DOP1B: variants seen among roughly 807,000 people sequenced by gnomAD.
DOP1B encodes protein DOP1B.
A neutral mutation model predicts 233.5 loss-of-function variants in DOP1B; 174 were observed. That is an observed-to-expected ratio of 0.75 (90% confidence interval 0.66 to 0.85). The LOEUF is 0.85. DOP1B is among the 40% of genes least tolerant of loss of function. The pLI is 0.00. For synonymous variants in DOP1B, 1,190 were observed against 1,185.6 expected (o/e 1.00, Z -0.08); for missense variants, 2,652 against 2,846.6 (o/e 0.93, Z 1.56).
intron 2 of DOP1B, among the ~76,000 whole-genome samples, chr21:36,189,947 T>C (rs569058594): frequency 6.8e-6 from 1 of 146,286 alleles, no homozygotes; most frequent in South Asian, 2.2e-4. Flanking sequence ...GAAGTGGAGG[T>C]TGCAGTGAGC....
chr21:36,193,048 T>C (rs1601399765), intron 2 of DOP1B, among the ~76,000 whole-genome samples: 1 of 152,194 alleles, frequency 6.6e-6, no homozygotes, highest in Non-Finnish European at 1.5e-5. Flanking sequence ...GAAGCTTTCC[T>C]AAGTCCTGTA....
At chr21:36,264,566 G>C (rs1381211955) in intron 26 of DOP1B, among the ~76,000 whole-genome samples, 1 of 151,588 alleles carries the variant, frequency 6.6e-6, no homozygotes, top group African/African-American at 2.4e-5. Flanking sequence ...CTCCACCTCT[G>C]GGGTTCAAGC....
chr21:36,214,091 A>G lies in DOP1B; in HGVS notation c.915A>G (p.Ile305Met). ...CTTGTTCTTTTGTAGGCTCAGACAT[A>G]AAAGGAAATACCGTTGTGCCAGAAT... ...RLYAWLLGSDIKGNTVVPESE... is the reference protein window; with the variant it reads ...RLYAWLLGSDMKGNTVVPESE... The change falls in exon 8 of 37, where the codon ATA becomes ATG. Residue 305 changes from isoleucine to methionine, a missense_variant. Ile to Met is a conservative substitution (Grantham distance 10). Around this residue, in one of 3 missense-constraint regions of DOP1B, gnomAD observed 2,617 missense variants for 2,794.3 expected, o/e 0.94. Coordinates refer to ENST00000691173, the MANE Select transcript of DOP1B (RefSeq NM_001320714.2). The G allele has an allele frequency of 1.2e-6, 2 of 1,613,230 alleles. No individual in the cohort carries two copies. Among genetic ancestry groups the G allele is most frequent in the East Asian group, 2.2e-5 (1 of 44,870 alleles).
chr21:36,258,307 T>G (rs2067131013), intron 23 of DOP1B, among the ~76,000 whole-genome samples: 1 of 152,002 alleles, frequency 6.6e-6, no homozygotes, highest in Non-Finnish European at 1.5e-5. Context: ...CTTGGGAGGC[T>G]GAGGTGGGAG....
At chr21:36,181,454 T>G (rs1461928541) in intron 2 of DOP1B, among the ~76,000 whole-genome samples, 2 of 151,596 alleles carry the variant, frequency 1.3e-5, no homozygotes, top group Admixed American at 1.3e-4. Context: ...AATTTTTGTA[T>G]TTTTAGTAGA....
rs377432925 is a variant in DOP1B at position 36,209,357 on chromosome 21, C to A, written c.681+453C>A. Among the ~76,000 whole-genome samples, 14 of 152,262 alleles carry A rather than the reference C, an allele frequency of 9.2e-5. No homozygotes were observed. In the East Asian group the frequency reaches 1.5e-3, roughly 17 times the overall value. On this transcript the variant is annotated intron_variant, in intron 5 of 36. Coordinates refer to ENST00000691173, the MANE Select transcript of DOP1B (RefSeq NM_001320714.2). ...GGATGGTCTCGAACTGCCTGCCTGG[C>A]GGGTGATCCACCCACCGCGGCCTCC...
At chr21:36,179,924 A>G (rs1377649042) in intron 2 of DOP1B, among the ~76,000 whole-genome samples, 1 of 152,172 alleles carries the variant, frequency 6.6e-6, no homozygotes, top group African/African-American at 2.4e-5. Flanking sequence ...CAGTGGACGT[A>G]CAGTGAAGCC....
chr21:36,260,760 C>A, intron 24 of DOP1B, 28 bp downstream of exon 24: 1 of 1,613,334 alleles, frequency 6.2e-7, no homozygotes, highest in Middle Eastern at 1.7e-4. Flanking sequence ...CCTCCAAAAA[C>A]TTCCTTAAAT....
chr21:36,286,674 A>AG (rs34697368), intron 32 of DOP1B, among the ~76,000 whole-genome samples: 1 of 145,614 alleles, frequency 6.9e-6, no homozygotes, highest in African/African-American at 2.6e-5. Context: ...ACACACACAC[A>AG]AAACTGACTG....
intron 2 of DOP1B, among the ~76,000 whole-genome samples, chr21:36,181,825 C>CA (rs1336439704): frequency 7.7e-6 from 1 of 129,072 alleles, no homozygotes; most frequent in Non-Finnish European, 1.6e-5. Flanking sequence ...TGCCTGCACT[C>CA]ACCTTCCATT....
chr21:36,241,693 C>CTTT (rs58454212), intron 18 of DOP1B, among the ~76,000 whole-genome samples: 22 of 105,522 alleles, frequency 2.1e-4, no homozygotes, highest in Admixed American at 3.2e-4. Flanking sequence ...TTCTTTCTTT[C>CTTT]TTTTTTTTTT....
chr21:36,248,770 T>G lies in DOP1B; in HGVS notation c.4998+202T>G, dbSNP rs151284169. On this transcript the variant is annotated intron_variant, in intron 21 of 36. Coordinates refer to ENST00000691173, the MANE Select transcript of DOP1B (RefSeq NM_001320714.2). ...TGGAGGAGTCTGAGTGGTTTCAGCCTGTTTTCTTCTTATTTTCCATTCACC... is the reference window on the plus strand; with the variant it reads ...TGGAGGAGTCTGAGTGGTTTCAGCCGGTTTTCTTCTTATTTTCCATTCACC... Among the ~76,000 whole-genome samples, 128 of 152,300 alleles carry G rather than the reference T, an allele frequency of 8.4e-4. 3 individuals carry two copies. In the East Asian group the frequency reaches 0.023, roughly 27 times the overall value.
Position 36,263,645 on chromosome 21 carries a change from T to C in DOP1B, c.5415T>C (p.Leu1805=). The change falls in exon 25 of 37, where the codon CTT becomes CTC. Residue 1805 remains leucine (L), a synonymous_variant. Transcript: ENST00000691173. The stretch of plus-strand genomic sequence containing the variant: ...TAGCCCCACCTGGGTATTTTCTGCT[T>C]CTCAGGTATCATGTCACCACATTGT... ...LNLAPPGYFL[L]LSMLNDFVTR... 6.2e-7 allele frequency: 1 copy of C among 1,613,800 alleles called. No homozygotes were observed.
At position 36,212,296 on chromosome 21, in the gene DOP1B, A is replaced by G. The variant is rs118130042; in HGVS notation, c.904+199A>G. ...TTGGTTATTTTGCAGTTTCTTTTTT[A>G]AAAAAGGGGAAATAATAAGTGGGAT... On this transcript the variant is annotated intron_variant, in intron 7 of 36. Coordinates refer to ENST00000691173, the MANE Select transcript of DOP1B (RefSeq NM_001320714.2). Among the ~76,000 whole-genome samples, 218 of 152,238 alleles carry G rather than the reference A, an allele frequency of 1.4e-3. 5 individuals are homozygous for G. The highest frequency in any genetic ancestry group is 0.012 in the South Asian group (60 of 4,832).
chr21:36,167,929 C>CTTTTTTTTTTTTTTTTTTTTTTTTTT (rs1568996068), intron 2 of DOP1B, among the ~76,000 whole-genome samples: 1 of 97,314 alleles, frequency 1.0e-5, no homozygotes, highest in Non-Finnish European at 2.0e-5. Context: ...CTTTTCTTTT[C>CTTTTTTTTTTTTTTTTTTTTTTTTTT]TTTTCTTTTT....
intron 16 of DOP1B, 113 bp downstream of exon 16, chr21:36,237,527 C>G: frequency 7.5e-7 from 1 of 1,331,980 alleles, no homozygotes; most frequent in East Asian, 2.5e-5. Context: ...GAGTGGACAT[C>G]GTGATTAATA....
chr21:36,278,857 G>A (rs2067383761), intron 30 of DOP1B, among the ~76,000 whole-genome samples: 1 of 151,532 alleles, frequency 6.6e-6, no homozygotes, highest in Non-Finnish European at 1.5e-5. Context: ...CAACAAGAGT[G>A]AAACTCTGTC....
chr21:36,201,345 CT>C lies in DOP1B; in HGVS notation c.491+864del, dbSNP rs1172730528. Among the ~76,000 whole-genome samples, 268 of 83,254 alleles carry C rather than the reference CT, an allele frequency of 3.2e-3. 3 individuals carry two copies. Among genetic ancestry groups the C allele is most frequent in the African/African-American group, 9.9e-3 (197 of 19,860 alleles). 54.6% of individuals were successfully genotyped at this position (83,254 alleles called of 152,430 possible). ...TCTATTCCACTGTATCTATTGGATT[CT>C]TTTTTTTTTTTTTTTTTTTGAGACA... On this transcript the variant is annotated intron_variant, in intron 4 of 36. Transcript: ENST00000691173.
chr21:36,176,288 C>T (rs2066029446), intron 2 of DOP1B, among the ~76,000 whole-genome samples: 1 of 152,100 alleles, frequency 6.6e-6, no homozygotes, highest in African/African-American at 2.4e-5. Flanking sequence ...CCTTCCTCCC[C>T]CACTGGAGCC....
Sources: allele counts gnomAD v4.1 joint callset (sites outside exome capture counted in the v4.1 genomes callset), GRCh38; gene constraint gnomAD v4.1.1; regional missense constraint gnomAD v4.1.1; transcripts MANE v1.5; gene names NCBI Gene and HGNC (gene_info 2026-07-23, HGNC 2026-07-21).